The following LIN28B variants were observed in gnomAD, a reference collection of about 807,000 sequenced individuals.
LIN28B encodes the protein lin-28 RNA binding posttranscriptional regulator B, also known as protein lin-28 homolog B.
A neutral mutation model predicts 21.9 loss-of-function variants in LIN28B; 5 were observed. That is an observed-to-expected ratio of 0.23 (90% CI 0.12 to 0.48). LIN28B has a LOEUF of 0.48. Ranked by LOEUF, LIN28B falls within the 20% of genes least tolerant of loss-of-function variation. LIN28B has a pLI of 0.98. For synonymous variants in LIN28B, 109 were observed against 111.3 expected, an observed-to-expected ratio of 0.98 and a Z score of 0.13; for missense variants, 245 against 310.5, an observed-to-expected ratio of 0.79 and a Z score of 1.58.
intron 3 of LIN28B, among the ~76,000 whole-genome samples, chr6:105,076,440 A>T (rs1404899317): frequency 6.6e-6 from 1 of 152,204 alleles, no homozygotes; most frequent in Admixed American, 6.5e-5. Context: ...AATACTAAAT[A>T]TCCTATATAC....
At chr6:104,957,080 G>C (rs1419783491), upstream of LIN28B, 1 of 1,497,968 alleles carries the variant, frequency 6.7e-7, no homozygotes, top group African/African-American at 1.4e-5. Flanking sequence ...CAGGGGGCCA[G>C]AAACTGGAGA....
At chr6:105,002,331 TATG>T (rs1770736135) in intron 2 of LIN28B, among the ~76,000 whole-genome samples, 1 of 152,150 alleles carries the variant, frequency 6.6e-6, no homozygotes, top group Admixed American at 6.6e-5. Flanking sequence ...TTTAAAATAA[TATG>T]ATATCTCATA....
Position 104,948,108 on chromosome 6 carries a change from A to G in LIN28B, c.19-2353A>G, listed in dbSNP as rs565815559. On this transcript the variant is annotated intron_variant, in intron 2 of 5. Coordinates refer to the LIN28B transcript ENST00000635857. ...AAAGAAGTGTATTTTGGGATTTCATAGGTTTAGGTTTTTGTTTTCTAAGAA... is the reference window on the plus strand; with the variant it reads ...AAAGAAGTGTATTTTGGGATTTCATGGGTTTAGGTTTTTGTTTTCTAAGAA... 1.2e-4 allele frequency among the ~76,000 whole-genome samples: 18 copies of G among 151,418 alleles called. No individual in the cohort carries two copies. The East Asian group carries it at 3.3e-3, about 28-fold the overall frequency.
At chr6:105,015,304 CTT>C (rs1771005035) in intron 2 of LIN28B, among the ~76,000 whole-genome samples, 2 of 152,164 alleles carry the variant, frequency 1.3e-5, no homozygotes, top group African/African-American at 2.4e-5. Flanking sequence ...TGATAATACT[CTT>C]TATCTTAAAG....
intron 2 of LIN28B, among the ~76,000 whole-genome samples, chr6:105,004,031 T>C (rs442010): frequency 0.65 from 99,269 of 151,992 alleles, 32,598 homozygotes; most frequent in South Asian, 0.71. Context: ...AAAGCCAGTC[T>C]GAGTCCCAAA....
At chr6:104,992,484 T>TTGTGTG (rs752464999) in intron 2 of LIN28B, among the ~76,000 whole-genome samples, 293 of 136,008 alleles carry the variant, frequency 2.2e-3, no homozygotes, top group Admixed American at 5.5e-3. Flanking sequence ...TAAGTTTCTG[T>TTGTGTG]TGTGTGTGTG....
At chr6:105,072,547 T>G (rs1476060224) in intron 3 of LIN28B, among the ~76,000 whole-genome samples, 1 of 152,158 alleles carries the variant, frequency 6.6e-6, no homozygotes, top group Non-Finnish European at 1.5e-5. Flanking sequence ...TGAAAACTTT[T>G]CTGGTGTTAA....
chr6:104,966,505 G>A (rs1331909083), intron 2 of LIN28B, among the ~76,000 whole-genome samples: 1 of 151,874 alleles, frequency 6.6e-6, no homozygotes, highest in Non-Finnish European at 1.5e-5. Flanking sequence ...TCAGGCTGGA[G>A]TGCAGTGGTG....
intron 3 of LIN28B, among the ~76,000 whole-genome samples, chr6:105,033,355 T>C (rs1313499591): frequency 6.6e-6 from 1 of 152,136 alleles, no homozygotes; most frequent in African/African-American, 2.4e-5. Context: ...CTAATGTTTG[T>C]ATATAAGGTA....
intron 2 of LIN28B, among the ~76,000 whole-genome samples, chr6:105,018,471 A>G (rs964612965): frequency 6.6e-6 from 1 of 152,080 alleles, no homozygotes; most frequent in African/African-American, 2.4e-5. Flanking sequence ...GCTGTCTTCA[A>G]TCTCCATTAG....
intron 2 of LIN28B, among the ~76,000 whole-genome samples, chr6:105,013,530 G>A (rs35279379): frequency 0.014 from 2,066 of 151,862 alleles, 27 homozygotes; most frequent in Middle Eastern, 0.037. Context: ...TTGAGCCCAG[G>A]AGTTCGAGAC....
chr6:104,999,064 A>G (rs1231888805), intron 2 of LIN28B, among the ~76,000 whole-genome samples: 1 of 152,226 alleles, frequency 6.6e-6, no homozygotes, highest in Admixed American at 6.5e-5. Flanking sequence ...GGACAGGAAT[A>G]TGGAAATTCA....
intron 2 of LIN28B, among the ~76,000 whole-genome samples, chr6:104,991,877 G>C (rs972410480): frequency 1.3e-5 from 2 of 152,142 alleles, no homozygotes; most frequent in East Asian, 3.9e-4. Flanking sequence ...TCGGGGTGGC[G>C]GCGTGCGCCT....
Position 105,081,631 on chromosome 6 carries a change from A to C in LIN28B, c.*2848A>C, listed in dbSNP as rs1328168184. 6.6e-6 allele frequency: 1 copy of C among 152,294 alleles called. No individual in the cohort carries two copies. The highest frequency in any genetic ancestry group is 1.5e-5 in the Non-Finnish European group (1 of 68,050). 9.4% of individuals were successfully genotyped at this position (152,294 alleles called of 1,614,324 possible). On this transcript the variant is annotated 3_prime_UTR_variant, in exon 4 of 4. Coordinates refer to ENST00000345080, the MANE Select transcript of LIN28B (RefSeq NM_001004317.4). ...AAGTCTCCAAACATTTCCTTAAAAT[A>C]ATCATGTATTTAGTTTAAAGAATTA...
intron 2 of LIN28B, 41 bp downstream of exon 2, chr6:104,958,327 T>C (rs769863152): frequency 2.7e-6 from 4 of 1,481,578 alleles, no homozygotes; most frequent in East Asian, 4.6e-5. Flanking sequence ...TCTTTTTCCA[T>C]GTGGAGGAGC....
At chr6:105,072,083 T>G (rs1772343244) in intron 3 of LIN28B, among the ~76,000 whole-genome samples, 1 of 150,278 alleles carries the variant, frequency 6.7e-6, no homozygotes, top group African/African-American at 2.5e-5. Context: ...TCAATTCTTT[T>G]GTGTCTGTGT....
intron 3 of LIN28B, among the ~76,000 whole-genome samples, chr6:105,046,161 C>G (rs1029778581): frequency 4.6e-5 from 7 of 152,026 alleles, no homozygotes; most frequent in Admixed American, 1.3e-4. Context: ...TGCTATCCGT[C>G]CCCCCTCCCT....
chr6:105,024,063 A>T (rs753588474), intron 2 of LIN28B, among the ~76,000 whole-genome samples: 1 of 151,944 alleles, frequency 6.6e-6, no homozygotes, highest in Non-Finnish European at 1.5e-5. Context: ...ATCTCCGCTC[A>T]CTGCAACCTC....
At chr6:104,963,501 G>C (rs1477111362) in intron 2 of LIN28B, among the ~76,000 whole-genome samples, 1 of 152,054 alleles carries the variant, frequency 6.6e-6, no homozygotes, top group Non-Finnish European at 1.5e-5. Context: ...AATGTGAATT[G>C]GGTACATATT....
Sources: allele counts gnomAD v4.1 joint callset (sites outside exome capture counted in the v4.1 genomes callset), GRCh38; gene constraint gnomAD v4.1.1; transcripts MANE v1.5; gene names NCBI Gene and HGNC (gene_info 2026-07-23, HGNC 2026-07-21).